The following RBFOX1 variants were observed in gnomAD, a reference collection of about 807,000 sequenced individuals.
RBFOX1 encodes the protein RNA binding fox-1 homolog 1.
RBFOX1 carries 8 observed loss-of-function variants against 57.7 expected under a neutral mutation model. That is an observed-to-expected ratio of 0.14 (90% CI 0.08 to 0.25). The LOEUF is 0.25. Ranked by LOEUF, RBFOX1 falls within the 10% of genes least tolerant of loss-of-function variation. The probability of loss-of-function intolerance (pLI) is 1.00; values close to 1 mark genes in which losing one functional copy is unlikely to be tolerated. For synonymous variants in RBFOX1, 326 were observed against 222.4 expected (o/e 1.47, Z -4.15); for missense variants, 611 against 548.5 (o/e 1.11, Z -1.14).
intron 2 of RBFOX1, among the ~76,000 whole-genome samples, chr16:6,636,099 T>G (rs2098429721): frequency 6.6e-6 from 1 of 152,182 alleles, no homozygotes; most frequent in Non-Finnish European, 1.5e-5. Flanking sequence ...GGTCGGGTAT[T>G]GAATTTTCCA....
intron 3 of RBFOX1, among the ~76,000 whole-genome samples, chr16:6,763,473 G>T (rs965921574): frequency 6.6e-6 from 1 of 152,154 alleles, no homozygotes; most frequent in Admixed American, 6.5e-5. Context: ...TTTCACAAGC[G>T]TAATGGCAGA....
chr16:5,455,348 A>G (rs976738050), intron 1 of RBFOX1, among the ~76,000 whole-genome samples: 1 of 152,062 alleles, frequency 6.6e-6, no homozygotes, highest in Non-Finnish European at 1.5e-5. Flanking sequence ...ATGGCTTTTT[A>G]TGATATGGCT....
At chr16:7,467,627 G>A (rs1190379545) in intron 4 of RBFOX1, among the ~76,000 whole-genome samples, 1 of 152,204 alleles carries the variant, frequency 6.6e-6, no homozygotes, top group African/African-American at 2.4e-5. Flanking sequence ...ATTGTGGTAT[G>A]ATAATAAGAG....
chr16:6,860,234 CCAGACACAATGTTAGG>C (rs1236951200), intron 3 of RBFOX1, among the ~76,000 whole-genome samples: 3 of 152,134 alleles, frequency 2.0e-5, no homozygotes, highest in Non-Finnish European at 4.4e-5. Context: ...CCGTTATGTT[CCAGACACAATGTTAGG>C]CACTTAATGG....
chr16:7,435,942 T>G (rs1378015199), intron 4 of RBFOX1, among the ~76,000 whole-genome samples: 1 of 152,208 alleles, frequency 6.6e-6, no homozygotes, highest in Non-Finnish European at 1.5e-5. Flanking sequence ...ACGTCAACAT[T>G]ACTGCAGCAC....
At chr16:5,977,960 G>T (rs1346167425) in intron 4 of RBFOX1, among the ~76,000 whole-genome samples, 1 of 151,636 alleles carries the variant, frequency 6.6e-6, no homozygotes. Flanking sequence ...TGCCATGCTG[G>T]CTTCAATTCC....
At chr16:6,744,529 T>A (rs2073104431) in intron 3 of RBFOX1, among the ~76,000 whole-genome samples, 1 of 151,900 alleles carries the variant, frequency 6.6e-6, no homozygotes, top group Admixed American at 6.6e-5. Context: ...TAGAAATAAA[T>A]GACAGAAATA....
chr16:5,991,645 G>GTTTTTTTTTTTTTTTTTTTT (rs60004233), intron 4 of RBFOX1, among the ~76,000 whole-genome samples: 2 of 123,934 alleles, frequency 1.6e-5, no homozygotes, highest in Non-Finnish European at 1.8e-5. Context: ...TTATTAGATA[G>GTTTTTTTTTTTTTTTTTTTT]TTTTTTTTTT....
intron 4 of RBFOX1, among the ~76,000 whole-genome samples, chr16:7,079,505 CCTT>C (rs1259633607): frequency 2.3e-4 from 35 of 152,296 alleles, no homozygotes; most frequent in African/African-American, 7.5e-4. Context: ...AACTCACAGT[CCTT>C]CTTTGTCAAG....
At chr16:5,832,664 G>C (rs2056319394) in intron 3 of RBFOX1, among the ~76,000 whole-genome samples, 1 of 152,154 alleles carries the variant, frequency 6.6e-6, no homozygotes, top group Non-Finnish European at 1.5e-5. Flanking sequence ...TGCAATTGTG[G>C]GTCAATTAGC....
At chr16:6,293,617 G>A (rs111724468) in intron 1 of RBFOX1, among the ~76,000 whole-genome samples, 21 of 152,192 alleles carry the variant, frequency 1.4e-4, no homozygotes, top group Admixed American at 5.2e-4. Context: ...ACCTTATGCC[G>A]TATCTTAGTG....
At chr16:5,687,551 T>C (rs1412047848) in intron 3 of RBFOX1, among the ~76,000 whole-genome samples, 2 of 152,204 alleles carry the variant, frequency 1.3e-5, no homozygotes, top group East Asian at 3.9e-4. Flanking sequence ...GTGGAACCCA[T>C]GTAAATAGTA....
intron 2 of RBFOX1, among the ~76,000 whole-genome samples, chr16:5,505,995 T>C (rs1012015411): frequency 6.6e-6 from 1 of 152,110 alleles, no homozygotes; most frequent in Non-Finnish European, 1.5e-5. Context: ...GTATATCAGT[T>C]AGGGAAGGAG....
At chr16:5,782,871 A>G (rs2054369590) in intron 3 of RBFOX1, among the ~76,000 whole-genome samples, 1 of 152,210 alleles carries the variant, frequency 6.6e-6, no homozygotes, top group African/African-American at 2.4e-5. Context: ...GTTTCAGCTC[A>G]AGCAGGGATG....
intron 4 of RBFOX1, among the ~76,000 whole-genome samples, chr16:5,987,054 AT>A (rs1054174419): frequency 6.6e-6 from 1 of 151,844 alleles, no homozygotes; most frequent in South Asian, 2.1e-4. Context: ...ATTATTTTTA[AT>A]TTTTTTGCTA....
At position 6,885,335 on chromosome 16, in the gene RBFOX1, G is replaced by C. The variant is rs189302495; in HGVS notation, c.-15-166722G>C. 6.7e-3 allele frequency among the ~76,000 whole-genome samples: 1,026 copies of C among 152,256 alleles called. 10 individuals are homozygous for C. The highest frequency in any genetic ancestry group is 0.023 in the African/African-American group (969 of 41,546). On this transcript the variant is annotated intron_variant, in intron 3 of 15. Coordinates refer to ENST00000550418, the MANE Select transcript of RBFOX1 (RefSeq NM_018723.4). ...AACTGAGTCAGAAGCTCTAGGGTTT[G>C]GGTGTCTCTGATTTAAACAAGCCTT...
chr16:7,354,698 T>G (rs189968895), intron 4 of RBFOX1, among the ~76,000 whole-genome samples: 66 of 152,302 alleles, frequency 4.3e-4, no homozygotes, highest in African/African-American at 1.6e-3. Context: ...TCTGGAAACA[T>G]ACTGTGCGAT....
chr16:5,572,830 G>A (rs1026497599), intron 2 of RBFOX1, among the ~76,000 whole-genome samples: 1 of 152,172 alleles, frequency 6.6e-6, no homozygotes, highest in South Asian at 2.1e-4. Context: ...GAAGTGCAGT[G>A]GACTATGTAG....
chr16:5,788,737 A>G lies in RBFOX1; in HGVS notation c.319-78566A>G, dbSNP rs558373453. On this transcript the variant is annotated intron_variant, in intron 3 of 19. Coordinates refer to the RBFOX1 transcript ENST00000641259. ...GCGAGTGTAAGACACACACATACAC[A>G]TACACATTCACACACACACACAGCA... Among the ~76,000 whole-genome samples, 171 of 152,288 alleles carry G rather than the reference A, an allele frequency of 1.1e-3. 1 individual carries two copies. Among genetic ancestry groups the G allele is most frequent in the African/African-American group, 3.7e-3 (153 of 41,552 alleles).
Sources: allele counts gnomAD v4.1 joint callset (sites outside exome capture counted in the v4.1 genomes callset), GRCh38; gene constraint gnomAD v4.1.1; transcripts MANE v1.5; gene names NCBI Gene and HGNC (gene_info 2026-07-23, HGNC 2026-07-21).